The following SLC9A9 variants were observed in gnomAD, a reference collection of about 807,000 sequenced individuals.
SLC9A9 encodes sodium/hydrogen exchanger 9.
A neutral mutation model predicts 77.8 loss-of-function variants in SLC9A9; 62 were observed. The observed-to-expected ratio is 0.80, with a 90% CI of 0.65 to 0.98. The LOEUF (loss-of-function observed/expected upper bound fraction) is 0.98. SLC9A9 is among the 50% of genes least tolerant of loss of function. SLC9A9 has a pLI of 0.00. For missense variants in SLC9A9, 775 were observed against 774.9 expected (o/e 1.00, Z 0.00); for synonymous variants, 320 against 283.5 (o/e 1.13, Z -1.29).
intron 4 of SLC9A9, among the ~76,000 whole-genome samples, chr3:143,747,940 G>A (rs1275817536): frequency 1.3e-5 from 2 of 152,124 alleles, no homozygotes; most frequent in Non-Finnish European, 2.9e-5. Flanking sequence ...CCACACTCCA[G>A]GCACCTGAGA....
In SLC9A9 at chr3:143,268,912, G is replaced by A. The variant is rs370595825; in HGVS notation, c.1673C>T (p.Pro558Leu). The change falls in exon 15 of 16, where the codon CCG becomes CTG. Residue 558 changes from proline to leucine, a missense_variant. By Grantham distance (98) the Pro-to-Leu change is moderately conservative. Coordinates refer to ENST00000316549, the MANE Select transcript of SLC9A9 (RefSeq NM_173653.4). The stretch of plus-strand genomic sequence containing the variant: ...AGGACTGGTAAGCAGCCTGGAAATC[G>A]GACCACACCATTCAGGTAATGTTGT... ...LTTTLPEWCG[P>L]ISRLLTSPQA... is the part of the protein sequence containing the mutation. The A allele has an allele frequency of 1.4e-5, 22 of 1,613,472 alleles. No homozygotes were observed. The highest frequency in any genetic ancestry group is 1.2e-4 in the African/African-American group (9 of 74,814).
At chr3:143,531,337 T>TG (rs762330419) in intron 9 of SLC9A9, among the ~76,000 whole-genome samples, 1 of 152,224 alleles carries the variant, frequency 6.6e-6, no homozygotes, top group Non-Finnish European at 1.5e-5. Context: ...CTAGAGACCC[T>TG]GGTGAATAGA....
At chr3:143,449,834 A>T (rs2034954034) in intron 12 of SLC9A9, among the ~76,000 whole-genome samples, 1 of 27,068 alleles carries the variant, frequency 3.7e-5, no homozygotes, top group Non-Finnish European at 5.3e-5. Flanking sequence ...ATATATAATT[A>T]TATGTATTAT....
intron 12 of SLC9A9, among the ~76,000 whole-genome samples, chr3:143,391,675 C>A (rs577599558): frequency 1.7e-4 from 26 of 152,128 alleles, no homozygotes; most frequent in African/African-American, 6.0e-4. Flanking sequence ...GAAGTTTGAC[C>A]CCCTGGCAAA....
intron 1 of SLC9A9, 117 bp from the exon 2 acceptor site, chr3:143,832,338 C>T: frequency 2.3e-6 from 2 of 882,930 alleles, no homozygotes; most frequent in Non-Finnish European, 3.5e-6. Context: ...GGGTTATTGC[C>T]TGGTCTAGAA....
intron 13 of SLC9A9, among the ~76,000 whole-genome samples, chr3:143,374,280 C>T (rs1488889389): frequency 6.6e-6 from 1 of 151,774 alleles, no homozygotes; most frequent in Admixed American, 6.6e-5. Flanking sequence ...AAAAAATTAG[C>T]CGGGCGTGGT....
chr3:143,762,668 C>T (rs7612639), intron 4 of SLC9A9, among the ~76,000 whole-genome samples: 1 of 151,906 alleles, frequency 6.6e-6, no homozygotes, highest in African/African-American at 2.4e-5. Flanking sequence ...GCAATTGATA[C>T]ACCTGTGTAT....
At chr3:143,708,302 G>T (rs1419666709) in intron 4 of SLC9A9, among the ~76,000 whole-genome samples, 1 of 152,094 alleles carries the variant, frequency 6.6e-6, no homozygotes, top group Non-Finnish European at 1.5e-5. Flanking sequence ...CTTACCTAAA[G>T]CACACCCAGG....
At chr3:143,445,806 A>G (rs2034830873) in intron 12 of SLC9A9, among the ~76,000 whole-genome samples, 1 of 152,210 alleles carries the variant, frequency 6.6e-6, no homozygotes, top group Non-Finnish European at 1.5e-5. Flanking sequence ...ATCCAAGTGA[A>G]GAAAGTGTTT....
chr3:143,296,811 C>T (rs747760677), intron 14 of SLC9A9, among the ~76,000 whole-genome samples: 7 of 151,898 alleles, frequency 4.6e-5, no homozygotes, highest in Non-Finnish European at 8.8e-5. Flanking sequence ...TTTTATATAC[C>T]TGTTGGTCAT....
intron 12 of SLC9A9, among the ~76,000 whole-genome samples, chr3:143,445,763 G>T (rs1411758385): frequency 6.6e-6 from 1 of 152,228 alleles, no homozygotes; most frequent in Non-Finnish European, 1.5e-5. Context: ...GGCCAGGGAG[G>T]TATGAGATTA....
At chr3:143,399,463 G>A (rs2033802097) in intron 12 of SLC9A9, among the ~76,000 whole-genome samples, 1 of 152,080 alleles carries the variant, frequency 6.6e-6, no homozygotes, top group South Asian at 2.1e-4. Flanking sequence ...CCTTGATTTT[G>A]GAATCAGTGG....
chr3:143,428,612 T>C (rs566595835), intron 12 of SLC9A9, among the ~76,000 whole-genome samples: 121 of 152,340 alleles, frequency 7.9e-4, no homozygotes, highest in Non-Finnish European at 1.3e-3. Context: ...ATGAAATCAA[T>C]GTCACAGAGA....
At chr3:143,382,567 G>T (rs2033332397) in intron 12 of SLC9A9, among the ~76,000 whole-genome samples, 1 of 152,130 alleles carries the variant, frequency 6.6e-6, no homozygotes, top group South Asian at 2.1e-4. Context: ...CTCCCCATAG[G>T]GAGGATTCAG....
At chr3:143,441,405 A>G (rs149801588) in intron 12 of SLC9A9, among the ~76,000 whole-genome samples, 28 of 152,298 alleles carry the variant, frequency 1.8e-4, no homozygotes, top group African/African-American at 6.5e-4. Flanking sequence ...TCAGATAAAC[A>G]CTTTTAACAC....
intron 12 of SLC9A9, among the ~76,000 whole-genome samples, chr3:143,458,849 C>T (rs187355965): frequency 9.2e-5 from 14 of 152,116 alleles, no homozygotes; most frequent in African/African-American, 3.1e-4. Context: ...TCCTTCATTC[C>T]TGCTGTTCCA....
chr3:143,679,134 C>G (rs1041284587), intron 5 of SLC9A9, among the ~76,000 whole-genome samples: 7 of 152,026 alleles, frequency 4.6e-5, no homozygotes, highest in African/African-American at 1.7e-4. Flanking sequence ...GGAAAACAAA[C>G]AAACAAACAA....
intron 4 of SLC9A9, among the ~76,000 whole-genome samples, chr3:143,789,385 A>C (rs2008152420): frequency 6.6e-6 from 1 of 152,194 alleles, no homozygotes; most frequent in South Asian, 2.1e-4. Context: ...AAATGGGATC[A>C]ATGCAGACTG....
intron 1 of SLC9A9, among the ~76,000 whole-genome samples, chr3:143,839,904 C>T (rs1252239123): frequency 4.6e-5 from 7 of 152,096 alleles, no homozygotes; most frequent in Non-Finnish European, 8.8e-5. Flanking sequence ...GTGTTATAGA[C>T]GGTGAAAGAA....
Sources: gnomAD v4.1 joint callset for allele counts (sites outside exome capture counted in the v4.1 genomes callset) on GRCh38, gnomAD v4.1.1 for gene constraint, MANE v1.5 for transcripts, NCBI Gene and HGNC (gene_info 2026-07-23, HGNC 2026-07-21) for gene names.